The following SORCS3 variants were observed in gnomAD, a reference collection of about 807,000 sequenced individuals.
The protein encoded by SORCS3 is VPS10 domain-containing receptor SorCS3.
Under a neutral mutation model 146.3 loss-of-function variants are expected in SORCS3, and 57 were observed. That is an observed-to-expected ratio of 0.39 (90% CI 0.31 to 0.49). The LOEUF (loss-of-function observed/expected upper bound fraction) is 0.49. SORCS3 is among the 20% of genes least tolerant of loss of function. The probability of loss-of-function intolerance (pLI) is 0.92; values close to 1 mark genes in which losing one functional copy is unlikely to be tolerated. For synonymous variants in SORCS3, 653 were observed against 618.5 expected (o/e 1.06, Z -0.83); for missense variants, 1,341 against 1,575.5 (o/e 0.85, Z 2.52).
intron 1 of SORCS3, among the ~76,000 whole-genome samples, chr10:104,725,069 C>G (rs964159966): frequency 6.6e-6 from 1 of 152,142 alleles, no homozygotes; most frequent in African/African-American, 2.4e-5. Context: ...TTAGAGTTTC[C>G]AGTTTTTCTG....
chr10:104,872,983 T>C (rs1254678007), intron 2 of SORCS3, among the ~76,000 whole-genome samples: 1 of 152,138 alleles, frequency 6.6e-6, no homozygotes, highest in Non-Finnish European at 1.5e-5. Flanking sequence ...TACACACACA[T>C]ACACACAAGC....
intron 16 of SORCS3, among the ~76,000 whole-genome samples, chr10:105,208,509 A>G (rs1271188890): frequency 6.6e-6 from 1 of 151,840 alleles, no homozygotes; most frequent in East Asian, 1.9e-4. Context: ...CCAACCTGAC[A>G]TGAGTGAACG....
intron 1 of SORCS3, among the ~76,000 whole-genome samples, chr10:104,741,738 G>T (rs1589480984): frequency 2.8e-4 from 4 of 14,358 alleles, no homozygotes; most frequent in Admixed American, 8.4e-4. Context: ...TTTTTGCCTA[G>T]CCTTTGAGTT....
intron 13 of SORCS3, among the ~76,000 whole-genome samples, chr10:105,175,922 G>A (rs1015356563): frequency 1.3e-5 from 2 of 152,058 alleles, no homozygotes; most frequent in Non-Finnish European, 2.9e-5. Flanking sequence ...CTTTATTATT[G>A]TTTTTAATCT....
chr10:105,186,683 G>C (rs1034456897), intron 14 of SORCS3, among the ~76,000 whole-genome samples: 5 of 151,964 alleles, frequency 3.3e-5, no homozygotes, highest in Non-Finnish European at 7.4e-5. Context: ...AGGAGTTTGA[G>C]ACCAGCTTGA....
chr10:105,143,132 G>A (rs913177736), intron 8 of SORCS3, among the ~76,000 whole-genome samples: 3 of 151,994 alleles, frequency 2.0e-5, no homozygotes, highest in Non-Finnish European at 2.9e-5. Flanking sequence ...TGCTACAGTG[G>A]CCACCTGCAT....
At chr10:104,941,296 A>T (rs528480980) in intron 3 of SORCS3, among the ~76,000 whole-genome samples, 37 of 152,166 alleles carry the variant, frequency 2.4e-4, no homozygotes, top group Admixed American at 4.6e-4. Context: ...GCCTCATTTT[A>T]CTCAGCCCCT....
chr10:104,796,399 T>C (rs182556903), intron 1 of SORCS3, among the ~76,000 whole-genome samples: 22 of 152,212 alleles, frequency 1.4e-4, no homozygotes, highest in Admixed American at 9.8e-4. Context: ...GAGTTTAGGG[T>C]AGAGTGTCTT....
In SORCS3 at chr10:104,741,700, G is replaced by GTTTTTTT. The variant is rs71022746; in HGVS notation, c.627+99772_627+99778dup. Among the ~76,000 whole-genome samples the GTTTTTTT allele has an allele frequency of 1.2e-3, 4 of 3,266 alleles. 1 individual carries two copies. Among genetic ancestry groups the GTTTTTTT allele is most frequent in the Non-Finnish European group, 1.7e-3 (3 of 1,784 alleles). 2.1% of individuals were successfully genotyped at this position (3,266 alleles called of 152,430 possible). On this transcript the variant is annotated intron_variant, in intron 1 of 26. Transcript: ENST00000369701. The stretch of plus-strand genomic sequence containing the variant: ...CTTTCCTCTTTCCTTTCCATTCTGG[G>GTTTTTTT]TTTTTTTTTTTTTTTTTTTTTTTTT...
At chr10:105,111,553 C>A (rs1015277196) in intron 7 of SORCS3, among the ~76,000 whole-genome samples, 6 of 152,204 alleles carry the variant, frequency 3.9e-5, no homozygotes, top group Non-Finnish European at 8.8e-5. Flanking sequence ...GCCTAATTGA[C>A]AATTGCTCAA....
At chr10:104,642,045 G>A in intron 1 of SORCS3, 91 bp downstream of exon 1, 3 of 1,400,074 alleles carry the variant, frequency 2.1e-6, no homozygotes, top group South Asian at 1.4e-5. Context: ...ATAGTTGCTC[G>A]GGGGTCGAGG....
chr10:104,862,034 C>A (rs1302646860), intron 2 of SORCS3, among the ~76,000 whole-genome samples: 1 of 152,156 alleles, frequency 6.6e-6, no homozygotes, highest in Non-Finnish European at 1.5e-5. Flanking sequence ...AGTATGCCCT[C>A]ATCATAACTA....
At chr10:105,032,293 G>A (rs2055273817) in intron 4 of SORCS3, among the ~76,000 whole-genome samples, 1 of 152,152 alleles carries the variant, frequency 6.6e-6, no homozygotes, top group East Asian at 1.9e-4. Context: ...TTGAGATTTT[G>A]AGCAAGTTCC....
At chr10:104,817,644 T>C (rs1589510533) in intron 1 of SORCS3, among the ~76,000 whole-genome samples, 1 of 37,008 alleles carries the variant, frequency 2.7e-5, no homozygotes. Flanking sequence ...CCCCTCCACC[T>C]CCTCCTTCTC....
chr10:105,229,970 C>A (rs192295948), intron 20 of SORCS3, among the ~76,000 whole-genome samples: 1 of 152,132 alleles, frequency 6.6e-6, no homozygotes, highest in South Asian at 2.1e-4. Flanking sequence ...GCAGTTTCCA[C>A]TGATGTTAGT....
Position 105,214,317 on chromosome 10 carries a change from G to A in SORCS3, c.2376-125G>A, listed in dbSNP as rs185828079. On this transcript the variant is annotated intron_variant, in intron 17 of 26. Coordinates refer to ENST00000369701, the MANE Select transcript of SORCS3 (RefSeq NM_014978.3). Reference sequence around the variant, plus strand: ...TTTTGAGACTTGGTTTCCAGGGGCCGCTGTGTGAAGCACCTGTTTTGCTCT... The same window carrying A: ...TTTTGAGACTTGGTTTCCAGGGGCCACTGTGTGAAGCACCTGTTTTGCTCT... The A allele has an allele frequency of 8.7e-5, 86 of 991,948 alleles. No homozygotes were observed. The African/African-American group carries it at 1.2e-3, about 14-fold the overall frequency. 61.4% of individuals were successfully genotyped at this position (991,948 alleles called of 1,614,324 possible). A position where few individuals can be genotyped will look rare whatever the true frequency, so the allele number is the denominator to read the frequency against.
At chr10:104,851,954 G>A (rs1009879197) in intron 2 of SORCS3, among the ~76,000 whole-genome samples, 17 of 152,276 alleles carry the variant, frequency 1.1e-4, no homozygotes, top group Middle Eastern at 3.4e-3. Flanking sequence ...CCTGTTACAC[G>A]TCTGTGAGAT....
At chr10:105,138,625 G>A (rs2056074498) in intron 7 of SORCS3, among the ~76,000 whole-genome samples, 1 of 152,252 alleles carries the variant, frequency 6.6e-6, no homozygotes, top group Non-Finnish European at 1.5e-5. Context: ...GCAGAGCCGT[G>A]CCATGTTGGC....
chr10:105,155,861 T>C (rs1440076009), intron 9 of SORCS3, among the ~76,000 whole-genome samples: 1 of 152,260 alleles, frequency 6.6e-6, no homozygotes, highest in African/African-American at 2.4e-5. Context: ...CAGTTAATTC[T>C]ATTCTCCTCC....
Sources: allele counts gnomAD v4.1 joint callset (sites outside exome capture counted in the v4.1 genomes callset), GRCh38; gene constraint gnomAD v4.1.1; transcripts MANE v1.5; gene names NCBI Gene and HGNC (gene_info 2026-07-23, HGNC 2026-07-21).